TIMELESS: variants seen among roughly 807,000 people sequenced by gnomAD.
TIMELESS encodes timeless circadian regulator, also known as protein timeless homolog.
In TIMELESS, 124 loss-of-function variants were observed where a neutral mutation model predicts 164.3. The ratio of observed to expected loss-of-function variants is 0.75; its 90% confidence interval spans 0.65 to 0.88. The LOEUF (loss-of-function observed/expected upper bound fraction) is 0.88, where lower values mean the gene tolerates loss of function less well. Among genes scored for constraint, TIMELESS ranks in the 40% least tolerant of loss-of-function variants. The pLI, the probability that TIMELESS is intolerant of heterozygous loss-of-function variation, is 0.00. For missense variants in TIMELESS, 1,422 were observed against 1,491.4 expected, an observed-to-expected ratio of 0.95 and a Z score of 0.77; for synonymous variants, 564 against 563.4, an observed-to-expected ratio of 1.00 and a Z score of -0.02.
Position 56,421,356 on chromosome 12 carries a change from T to C in TIMELESS, c.2863A>G (p.Ile955Val), listed in dbSNP as rs1356191038. Residue 955 changes from isoleucine (I) to valine (V), a missense_variant, in exon 23 of 29, where the codon ATC becomes GTC. By Grantham distance (29) the Ile-to-Val change is conservative. Transcript: ENST00000553532. Reference sequence around the variant, plus strand: ...AGCTAGGGTCAGATTGTTACCAAGATGGAGGATGCCAACTTTTTCTGCCGT... The same window carrying C: ...AGCTAGGGTCAGATTGTTACCAAGACGGAGGATGCCAACTTTTTCTGCCGT... ...KKRQKKLASS[I>V]LPNGAESLKD... is the part of the protein sequence containing the mutation. 1.2e-6 allele frequency: 2 copies of C among 1,613,740 alleles called. No individual in the cohort carries two copies. Among genetic ancestry groups the C allele is most frequent in the Admixed American group, 3.3e-5 (2 of 59,966 alleles).
chr12:56,421,231 G>GCT (rs1306757125), intron 23 of TIMELESS, 97 bp from the exon 24 acceptor site: 58 of 1,585,318 alleles, frequency 3.7e-5, no homozygotes, highest in Non-Finnish European at 4.5e-5. Flanking sequence ...CCCCGCGCCT[G>GCT]CTCTCTCGGA....
chr12:56,425,695 C>A (rs979966479), intron 13 of TIMELESS, among the ~76,000 whole-genome samples: 2 of 151,918 alleles, frequency 1.3e-5, no homozygotes, highest in Non-Finnish European at 2.9e-5. Context: ...GGCAACACAG[C>A]GAGACCCTGT....
At chr12:56,429,996 TCCAGGGGCAGCCTCC>T in intron 10 of TIMELESS, 94 bp downstream of exon 10, 1 of 1,109,846 alleles carries the variant, frequency 9.0e-7, no homozygotes, top group Non-Finnish European at 1.3e-6. Flanking sequence ...GAGTCCACAT[TCCAGGGGCAGCCTCC>T]CCGAGCTCCT....
intron 1 of TIMELESS, among the ~76,000 whole-genome samples, chr12:56,447,233 A>G (rs1386235572): frequency 6.3e-5 from 8 of 126,794 alleles, no homozygotes; most frequent in African/African-American, 2.3e-4. Flanking sequence ...ATTCTTATTC[A>G]CCCTTGAACT....
At chr12:56,424,695 A>C in intron 15 of TIMELESS, 67 bp downstream of exon 15, 1 of 1,549,908 alleles carries the variant, frequency 6.5e-7, no homozygotes, top group Non-Finnish European at 8.7e-7. Flanking sequence ...GACTGAGAAC[A>C]CTGTACCGCA....
intron 12 of TIMELESS, 21 bp from the exon 13 acceptor site, chr12:56,428,426 G>A (rs753116055): frequency 3.7e-6 from 6 of 1,603,988 alleles, no homozygotes; most frequent in Non-Finnish European, 2.6e-6. Context: ...GGAAGAGAAA[G>A]GGATGGAAGG....
Position 56,423,790 on chromosome 12 carries a change from G to A in TIMELESS, c.1966+7C>T. The A allele has an allele frequency of 6.2e-7, 1 of 1,614,158 alleles. No individual in the cohort carries two copies. The highest frequency in any genetic ancestry group is 8.5e-7 in the Non-Finnish European group (1 of 1,180,040). ...GAAGGAGACAGATGTGAAGGGTGGAGACTCACGGGGAAGTGGAGCAGAGAG... is the reference window on the plus strand; with the variant it reads ...GAAGGAGACAGATGTGAAGGGTGGAAACTCACGGGGAAGTGGAGCAGAGAG... On this transcript the variant is annotated splice_region_variant and intron_variant, in intron 16 of 28. Transcript: ENST00000553532.
In TIMELESS at chr12:56,432,480, C is replaced by T. The variant is rs141696464; in HGVS notation, c.576G>A (p.Ala192=). The part of the protein sequence containing the change: ...DASAHDQLLW[A]IHLSGLDDLL... ...GGTCATCCAGGCCGCTGAGGTGAAT[C>T]GCCCAGAGGAGCTGGTCATGGGCAC... Residue 192 remains alanine, a synonymous_variant, in exon 7 of 29, where the codon GCG becomes GCA. Coordinates refer to ENST00000553532, the MANE Select transcript of TIMELESS (RefSeq NM_003920.5). 8 of 1,614,020 alleles carry T rather than the reference C, an allele frequency of 5.0e-6. No individual in the cohort carries two copies. The highest frequency in any genetic ancestry group is 2.7e-5 in the African/African-American group (2 of 74,920).
At chr12:56,441,534 G>A (rs1457957338) in intron 1 of TIMELESS, among the ~76,000 whole-genome samples, 1 of 152,194 alleles carries the variant, frequency 6.6e-6, no homozygotes, top group African/African-American at 2.4e-5. Flanking sequence ...GGCTAAGGCA[G>A]GAGGATCACT....
chr12:56,432,973 A>AAAAAAG, intron 6 of TIMELESS, 53 bp downstream of exon 6: 1 of 1,227,940 alleles, frequency 8.1e-7, no homozygotes, highest in Non-Finnish European at 1.1e-6. Flanking sequence ...AAAAAAAAAA[A>AAAAAAG]AGGCAGCTCA....
chr12:56,437,912 C>CA (rs1486739960), intron 1 of TIMELESS, among the ~76,000 whole-genome samples: 1 of 152,164 alleles, frequency 6.6e-6, no homozygotes, highest in Non-Finnish European at 1.5e-5. Flanking sequence ...AAAAGGCAGA[C>CA]ACTGACTAGA....
In TIMELESS at chr12:56,428,932, A is replaced by G. The variant is rs1354796816; in HGVS notation, c.1255T>C (p.Tyr419His). Reference sequence around the variant, plus strand: ...TTGCGGTCAGTCAGCATCATCTCATAGTAGTTGGTGAGGTTCTGCTCAATG... The same window carrying G: ...TTGCGGTCAGTCAGCATCATCTCATGGTAGTTGGTGAGGTTCTGCTCAATG... Reference protein sequence around the residue: ...HFIEQNLTNYYEMMLTDRKEA... With the variant: ...HFIEQNLTNYHEMMLTDRKEA... The change falls in exon 11 of 29, where the codon TAT becomes CAT. Residue 419 changes from tyrosine to histidine, a missense_variant. By Grantham distance (83) the Tyr-to-His change is moderately conservative. Transcript: ENST00000553532. 3.1e-6 allele frequency: 5 copies of G among 1,613,892 alleles called. No individual in the cohort carries two copies. Among genetic ancestry groups the G allele is most frequent in the African/African-American group, 1.3e-5 (1 of 74,878 alleles).
At position 56,433,657 on chromosome 12, in the gene TIMELESS, G is replaced by T; in HGVS notation, c.252-5C>A. On this transcript the variant is annotated splice_polypyrimidine_tract_variant and splice_region_variant and intron_variant, in intron 3 of 28. Transcript: ENST00000553532. ...TGTGTCAAGTTCACCATCAGTCTGG[G>T]AGACAATGAAGGAGGGAGAAGTTGT... The T allele has an allele frequency of 6.2e-7, 1 of 1,614,074 alleles. No individual in the cohort carries two copies. Among genetic ancestry groups the T allele is most frequent in the Non-Finnish European group, 8.5e-7 (1 of 1,180,028 alleles).
rs770791435 is a variant in TIMELESS, at chr12:56,421,149, G to A, written c.2869-15C>T. 1.9e-6 allele frequency: 3 copies of A among 1,613,462 alleles called. No homozygotes were observed. The highest frequency in any genetic ancestry group is 2.2e-5 in the East Asian group (1 of 44,886). ...GCTCCATTTGGCTAAAATTCATTGG[G>A]GGTTGGGGGAATGAAAATGAAGGCA... On this transcript the variant is annotated splice_polypyrimidine_tract_variant and intron_variant, in intron 23 of 28. Transcript: ENST00000553532.
chr12:56,446,675 A>G (rs1445488773), intron 1 of TIMELESS, among the ~76,000 whole-genome samples: 2 of 151,752 alleles, frequency 1.3e-5, no homozygotes, highest in Non-Finnish European at 2.9e-5. Context: ...TACTAAAAAT[A>G]AAAAAAATTA....
At chr12:56,424,741 A>G in intron 15 of TIMELESS, 21 bp downstream of exon 15, 1 of 1,610,188 alleles carries the variant, frequency 6.2e-7, no homozygotes, top group Middle Eastern at 1.7e-4. Context: ...GCCCAAGAGG[A>G]TGAGCAGGCA....
chr12:56,437,100 T>C, intron 1 of TIMELESS, among the ~76,000 whole-genome samples: 1 of 152,154 alleles, frequency 6.6e-6, no homozygotes, highest in East Asian at 1.9e-4. Flanking sequence ...AGGCTAACTT[T>C]GTATTTTTAG....
In TIMELESS at chr12:56,421,384, C is replaced by T. The variant is rs113553695; in HGVS notation, c.2835G>A (p.Lys945=). The change falls in exon 23 of 29, where the codon AAG becomes AAA. Residue 945 remains lysine, a synonymous_variant. Coordinates refer to ENST00000553532, the MANE Select transcript of TIMELESS (RefSeq NM_003920.5). ...AGGATGCCAACTTTTTCTGCCGTTTCTTGTACAGCTCCCGCCGCTCAGCCA... is the reference window on the plus strand; with the variant it reads ...AGGATGCCAACTTTTTCTGCCGTTTTTTGTACAGCTCCCGCCGCTCAGCCA... ...GLVAERRELY[K]KRQKKLASSI... The T allele has an allele frequency of 7.2e-5, 117 of 1,613,886 alleles. No individual in the cohort carries two copies. Among genetic ancestry groups the T allele is most frequent in the Non-Finnish European group, 6.9e-5 (82 of 1,179,984 alleles).
chr12:56,423,405 T>C lies in TIMELESS; in HGVS notation c.2161A>G (p.Thr721Ala). ...AGCATCTTCACAATGCAATGGTTAG[T>C]GTGGGCACTATTCTGCTGGTAGCTC... is the stretch of plus-strand genomic sequence containing the variant. The part of the protein sequence containing the change: ...LRSYQQNSAH[T>A]NHCIVKMLHR... Residue 721 changes from threonine to alanine, a missense_variant, in exon 18 of 29, where the codon ACT becomes GCT. Transcript: ENST00000553532. 1 of 1,614,150 alleles carries C rather than the reference T, an allele frequency of 6.2e-7. No homozygotes were observed. Among genetic ancestry groups the C allele is most frequent in the East Asian group, 2.2e-5 (1 of 44,884 alleles).
Sources: allele counts gnomAD v4.1 joint callset (sites outside exome capture counted in the v4.1 genomes callset), GRCh38; gene constraint gnomAD v4.1.1; transcripts MANE v1.5; gene names NCBI Gene and HGNC (gene_info 2026-07-23, HGNC 2026-07-21).